The following MPG variants were observed in gnomAD, a reference collection of about 807,000 sequenced individuals.
The protein encoded by MPG is N-methylpurine DNA glycosylase, also known as DNA-3-methyladenine glycosylase.
A neutral mutation model predicts 31.7 loss-of-function variants in MPG; 33 were observed. That is an observed-to-expected ratio of 1.04 (90% CI 0.79 to 1.39). MPG has a LOEUF of 1.39. Ranked by LOEUF, MPG falls within the 40% of genes most tolerant of loss-of-function variation. The probability of loss-of-function intolerance (pLI) is 0.00; values close to 1 mark genes in which losing one functional copy is unlikely to be tolerated. For missense variants in MPG, 455 were observed against 415.5 expected (o/e 1.10, Z -0.83); for synonymous variants, 202 against 169.2 (o/e 1.19, Z -1.51).
At chr16:84,861 C>T (rs971291817) in intron 3 of MPG, among the ~76,000 whole-genome samples, 1 of 152,218 alleles carries the variant, frequency 6.6e-6, no homozygotes. Flanking sequence ...AAGCCAACTC[C>T]TAGCCCCCAC....
At chr16:83,499 G>A (rs79760165) in intron 3 of MPG, 47 of 465,194 alleles carry the variant, frequency 1.0e-4, no homozygotes, top group South Asian at 4.1e-4. Context: ...CCAGCACTTC[G>A]GGAGGCCGAG....
chr16:81,260 C>T (rs1464414373), intron 2 of MPG, among the ~76,000 whole-genome samples: 1 of 152,122 alleles, frequency 6.6e-6, no homozygotes, highest in Non-Finnish European at 1.5e-5. Flanking sequence ...GTGAGAGGCC[C>T]CAGTATCTGC....
chr16:82,115 C>T (rs1321808772), intron 2 of MPG, among the ~76,000 whole-genome samples: 1 of 102,126 alleles, frequency 9.8e-6, no homozygotes, highest in African/African-American at 6.7e-5. Flanking sequence ...ACCCTACCTC[C>T]GGGAAGCCCT....
At chr16:81,273 C>A (rs1399971516) in intron 2 of MPG, among the ~76,000 whole-genome samples, 3 of 152,174 alleles carry the variant, frequency 2.0e-5, no homozygotes, top group Non-Finnish European at 4.4e-5. Flanking sequence ...GTATCTGCCA[C>A]TGGTGGAAAT....
At position 83,107 on chromosome 16, in the gene MPG, C is replaced by A. The variant is rs1419688971; in HGVS notation, c.356C>A (p.Thr119Asn). The change falls in exon 3 of 4, where the codon ACC becomes AAC. Residue 119 changes from threonine (T) to asparagine (N), a missense_variant. Transcript: ENST00000356432. ...GAACTCCGAGGCCGCATCGTGGAGACCGAGGCATACCTGGGGCCAGAGGAT... is the reference window on the plus strand; with the variant it reads ...GAACTCCGAGGCCGCATCGTGGAGAACGAGGCATACCTGGGGCCAGAGGAT... Reference protein sequence around the residue: ...GTELRGRIVETEAYLGPEDEA... With the variant: ...GTELRGRIVENEAYLGPEDEA... 4 of 1,612,864 alleles carry A rather than the reference C, an allele frequency of 2.5e-6. No individual in the cohort carries two copies. Among genetic ancestry groups the A allele is most frequent in the Non-Finnish European group, 3.4e-6 (4 of 1,179,724 alleles).
At chr16:78,173 G>GC (rs1332104423), upstream of MPG, 32 of 711,374 alleles carry the variant, frequency 4.5e-5, no homozygotes, top group South Asian at 2.4e-4. Context: ...GGCGCTCACT[G>GC]CCCCCCTTCT....
upstream of MPG, chr16:78,152 A>G (rs555648654): frequency 3.9e-6 from 2 of 507,728 alleles, no homozygotes; most frequent in South Asian, 5.0e-5. Context: ...CCGGGGGCGC[A>G]GCCAGTTCCC....
intron 2 of MPG, among the ~76,000 whole-genome samples, chr16:80,895 C>T (rs1898221254): frequency 6.6e-6 from 1 of 152,238 alleles, no homozygotes; most frequent in Non-Finnish European, 1.5e-5. Flanking sequence ...GGCAAGGGCG[C>T]AGCATGGCAT....
chr16:83,203 TGTAC>T lies in MPG; in HGVS notation c.455_458del (p.Tyr152CysfsTer11). On this transcript the variant is annotated frameshift_variant, in exon 3 of 4. Coordinates refer to ENST00000356432, the MANE Select transcript of MPG (RefSeq NM_001015052.3). LOFTEE classifies it high-confidence loss of function. Reference sequence around the variant, plus strand: ...GGCATGTTCATGAAGCCGGGGACCCTGTACGTGTACATCATTTACGGCATGTACT... The same window carrying T: ...GGCATGTTCATGAAGCCGGGGACCCTGTGTACATCATTTACGGCATGTACT... The T allele has an allele frequency of 6.2e-7, 1 of 1,613,182 alleles. No homozygotes were observed. The highest frequency in any genetic ancestry group is 8.5e-7 in the Non-Finnish European group (1 of 1,179,934).
chr16:79,810 C>G (rs1898193854), intron 2 of MPG, 110 bp downstream of exon 2: 2 of 1,262,984 alleles, frequency 1.6e-6, no homozygotes, highest in Non-Finnish European at 1.1e-6. Flanking sequence ...CCTCCTTGTC[C>G]TCATGCATTT....
At chr16:82,168 T>C (rs7200253) in intron 2 of MPG, among the ~76,000 whole-genome samples, 7,571 of 12,414 alleles carry the variant, frequency 0.61, 2,073 homozygotes, top group Non-Finnish European at 0.65. Flanking sequence ...CACCACCCTA[T>C]CTCCGGGAAG....
At chr16:82,930 CCCTGGCTAGA>C (rs1898290600) in intron 2 of MPG, 112 bp from the exon 3 acceptor site, 1 of 810,492 alleles carries the variant, frequency 1.2e-6, no homozygotes, top group Non-Finnish European at 1.9e-6. Flanking sequence ...GGGGCAAGGT[CCCTGGCTAGA>C]CCTGGGCGGC....
Position 85,461 on chromosome 16 carries a change from G to C in MPG, c.566G>C (p.Arg189Pro). ...LEPLEGLETM[R>P]QLRSTLRKGT... is the part of the protein sequence containing the mutation. ...CCCCTGGAAGGTCTGGAGACCATGC[G>C]TCAGCTTCGCAGCACCCTCCGGAAA... The change falls in exon 4 of 4, where the codon CGT becomes CCT. Residue 189 changes from arginine (R) to proline (P), a missense_variant. Physicochemically the swap from Arg to Pro is moderately radical, Grantham distance 103. Transcript: ENST00000356432. 1 of 1,613,036 alleles carries C rather than the reference G, an allele frequency of 6.2e-7. No individual in the cohort carries two copies. The highest frequency in any genetic ancestry group is 8.5e-7 in the Non-Finnish European group (1 of 1,180,010).
At chr16:82,946 G>C in intron 2 of MPG, 106 bp from the exon 3 acceptor site, 1 of 976,254 alleles carries the variant, frequency 1.0e-6, no homozygotes, top group East Asian at 2.5e-5. Context: ...CTAGACCTGG[G>C]CGGCTGACAC....
At position 83,478 on chromosome 16, in the gene MPG, C is replaced by T. The variant is rs763425044; in HGVS notation, c.505+222C>T. On this transcript the variant is annotated intron_variant, in intron 3 of 3. Coordinates refer to ENST00000356432, the MANE Select transcript of MPG (RefSeq NM_001015052.3). ...GGGTGGGGCCGGGCGCGGTGGCTCA[C>T]GCCTGTCATCCCAGCACTTCGGGAG... 12 of 523,188 alleles carry T rather than the reference C, an allele frequency of 2.3e-5. No individual in the cohort carries two copies. In the Admixed American group the frequency reaches 2.5e-4, roughly 11 times the overall value. The allele number at this position is 523,188 out of a possible 1,614,324, so 32.4% of individuals were successfully genotyped here.
chr16:77,142 C>G (rs1898109698), upstream of MPG: 1 of 152,310 alleles, frequency 6.6e-6, no homozygotes, highest in Admixed American at 6.5e-5. Flanking sequence ...CTTTCCAGGA[C>G]CAGGGTCACA....
chr16:77,911 G>A (rs996277580), upstream of MPG, among the ~76,000 whole-genome samples: 1 of 152,050 alleles, frequency 6.6e-6, no homozygotes, highest in South Asian at 2.1e-4. Context: ...CCTCTCGGTG[G>A]TCTGACCACC....
chr16:79,249 C>T (rs763117195), intron 1 of MPG, 176 bp from the exon 2 acceptor site: 1 of 1,553,092 alleles, frequency 6.4e-7, no homozygotes, highest in South Asian at 1.2e-5. Context: ...TTTCCTGAGG[C>T]CTCGAGTGTG....
chr16:83,200 C>T lies in MPG; in HGVS notation c.449C>T (p.Thr150Ile), dbSNP rs1253186430. The T allele has an allele frequency of 1.2e-6, 2 of 1,613,072 alleles. No homozygotes were observed. Among genetic ancestry groups the T allele is most frequent in the African/African-American group, 2.7e-5 (2 of 74,912 alleles). ...RNRGMFMKPG[T>I]LYVYIIYGMY... ...CGAGGCATGTTCATGAAGCCGGGGA[C>T]CCTGTACGTGTACATCATTTACGGC... Residue 150 changes from threonine (T) to isoleucine (I), a missense_variant, in exon 3 of 4, where the codon ACC becomes ATC. Transcript: ENST00000356432.
Sources: gnomAD v4.1 joint callset for allele counts (sites outside exome capture counted in the v4.1 genomes callset) on GRCh38, gnomAD v4.1.1 for gene constraint, MANE v1.5 for transcripts, NCBI Gene and HGNC (gene_info 2026-07-23, HGNC 2026-07-21) for gene names.